TTLL10: variants seen among roughly 807,000 people sequenced by gnomAD.
TTLL10 encodes tubulin tyrosine ligase like 10, also known as inactive polyglycylase TTLL10.
In TTLL10, 61 loss-of-function variants were observed where a neutral mutation model predicts 69.0. That is an observed-to-expected ratio of 0.88 (90% CI 0.72 to 1.09). The LOEUF (loss-of-function observed/expected upper bound fraction) is 1.09. Ranked by LOEUF, TTLL10 falls within the 50% of genes least tolerant of loss-of-function variation. TTLL10 has a pLI of 0.00. For missense variants in TTLL10, 962 were observed against 945.9 expected (o/e 1.02, Z -0.22); for synonymous variants, 408 against 393.3 (o/e 1.04, Z -0.44).
chr1:1,180,562 G>A lies in TTLL10; in HGVS notation c.586G>A (p.Glu196Lys). ...RRDDYTLKWCEVKSRDSYGSF... is the reference protein window; with the variant it reads ...RRDDYTLKWCKVKSRDSYGSF... Reference sequence around the variant, plus strand: ...GGACGACTACACGCTGAAGTGGTGTGAGGTCAAGAGCCGAGACAGCTACGG... The same window carrying A: ...GGACGACTACACGCTGAAGTGGTGTAAGGTCAAGAGCCGAGACAGCTACGG... The change falls in exon 7 of 16, where the codon GAG becomes AAG. Residue 196 changes from glutamate to lysine, a missense_variant. Transcript: ENST00000379289. 6.4e-7 allele frequency: 1 copy of A among 1,552,132 alleles called. No individual in the cohort carries two copies. The highest frequency in any genetic ancestry group is 1.2e-5 in the South Asian group (1 of 84,128).
At chr1:1,182,784 C>A in intron 10 of TTLL10, 92 bp from the exon 11 acceptor site, 1 of 1,450,874 alleles carries the variant, frequency 6.9e-7, no homozygotes, top group Non-Finnish European at 9.2e-7. Flanking sequence ...GGCCGAGGGT[C>A]GCAGCCTGGA....
intron 12 of TTLL10, 81 bp downstream of exon 12, chr1:1,184,172 A>AGGGGGTGCAGC (rs1553143129): frequency 6.4e-6 from 10 of 1,570,392 alleles, no homozygotes; most frequent in Non-Finnish European, 8.7e-6. Context: ...GGGGGTGCAG[A>AGGGGGTGCAGC]GGGGGTGCAG....
intron 5 of TTLL10, 52 bp downstream of exon 5, chr1:1,179,789 C>T (rs1646987178): frequency 2.7e-6 from 4 of 1,497,584 alleles, no homozygotes; most frequent in Non-Finnish European, 3.6e-6. Flanking sequence ...AAGCTCCCCA[C>T]CCCCACCTGG....
In TTLL10 at chr1:1,185,717, G is replaced by A. The variant is rs955162140; in HGVS notation, c.1401+608G>A. ...CCCCGGCCAGGCCCCGGAAGCAGCA[G>A]CCAGGGATGGTCCTTCCTCACCCAC... On this transcript the variant is annotated intron_variant, in intron 13 of 15. Transcript: ENST00000379289. This position sits in a 1 kb window ranked among gnomAD's most constrained non-coding sequence, Gnocchi z 6.1. The A allele has an allele frequency of 1.8e-5, 18 of 985,454 alleles. No individual in the cohort carries two copies. The highest frequency in any genetic ancestry group is 3.5e-5 in the African/African-American group (2 of 57,248). 61.0% of individuals were successfully genotyped at this position (985,454 alleles called of 1,614,324 possible).
intron 11 of TTLL10, 94 bp downstream of exon 11, chr1:1,183,141 C>G (rs898941406): frequency 4.2e-6 from 6 of 1,425,712 alleles, no homozygotes; most frequent in East Asian, 2.5e-5. Context: ...AGCCCTTGGT[C>G]GTGGAAAGCA....
At position 1,180,396 on chromosome 1, in the gene TTLL10, G is replaced by A. The variant is rs553642565; in HGVS notation, c.506+56G>A. 1.3e-5 allele frequency: 20 copies of A among 1,539,468 alleles called. No homozygotes were observed. The East Asian group carries it at 1.7e-4, about 13-fold the overall frequency. On this transcript the variant is annotated intron_variant, in intron 6 of 15. Transcript: ENST00000379289. ...CACTGAATACCCACCGCCTGCTCCC[G>A]GGGCCCAGCCCGGCCTCCGCTGGCC...
rs571310333 is a variant in TTLL10, at chr1:1,174,160, C to T, written c.-130-125C>T. On this transcript the variant is annotated intron_variant, in intron 1 of 15. Coordinates refer to ENST00000379289, the MANE Select transcript of TTLL10 (RefSeq NM_001130045.2). ...CCAGGCCGGGGAACGGTGTGTGTAC[C>T]CGGTGGGGTGGGAGGGCTGGGCAGC... is the stretch of plus-strand genomic sequence containing the variant. 4.7e-5 allele frequency: 7 copies of T among 149,464 alleles called. No homozygotes were observed. In the East Asian group the frequency reaches 1.5e-3, roughly 31 times the overall value. 9.3% of individuals were successfully genotyped at this position (149,464 alleles called of 1,614,324 possible).
At chr1:1,190,651 A>G (rs936081390) in intron 13 of TTLL10, among the ~76,000 whole-genome samples, 1 of 151,620 alleles carries the variant, frequency 6.6e-6, no homozygotes, top group Non-Finnish European at 1.5e-5. Flanking sequence ...GCTGGTCTCA[A>G]ACTCTCTTTT....
At chr1:1,176,425 C>A (rs1557469826) in intron 3 of TTLL10, 1 of 454,860 alleles carries the variant, frequency 2.2e-6, no homozygotes, top group Non-Finnish European at 4.4e-6. Context: ...AGGTCAGCTG[C>A]AAGCTCACAG....
In TTLL10 at chr1:1,197,880, C is replaced by T. The variant is rs1239659873; in HGVS notation, c.*33C>T. The T allele has an allele frequency of 1.6e-5, 22 of 1,396,058 alleles. No individual in the cohort carries two copies. Among genetic ancestry groups the T allele is most frequent in the East Asian group, 3.0e-5 (1 of 33,382 alleles). 86.5% of individuals were successfully genotyped at this position (1,396,058 alleles called of 1,614,324 possible). A position where few individuals can be genotyped will look rare whatever the true frequency, so the allele number is the denominator to read the frequency against. The stretch of plus-strand genomic sequence containing the variant: ...CACCCGCGCCCAGCGCCCCGCGCCC[C>T]GCGCCCCAGCCGTGCTGCCTGCCCT... On this transcript the variant is annotated 3_prime_UTR_variant, in exon 16 of 16. Coordinates refer to ENST00000379289, the MANE Select transcript of TTLL10 (RefSeq NM_001130045.2).
chr1:1,179,974 T>C, intron 5 of TTLL10, 60 bp from the exon 6 acceptor site: 1 of 1,459,118 alleles, frequency 6.9e-7, no homozygotes. Context: ...GGCTGAGCCA[T>C]GTCCGGGCTG....
chr1:1,179,250 G>A lies in TTLL10; in HGVS notation c.35G>A (p.Arg12Gln), dbSNP rs941573468. The A allele has an allele frequency of 1.7e-5, 26 of 1,550,010 alleles. No individual in the cohort carries two copies. Among genetic ancestry groups the A allele is most frequent in the Admixed American group, 3.9e-5 (2 of 50,856 alleles). ...AGCTGCACCCGGTTCATCCACCGCC[G>A]GGGACCACCCACTCGGACCCGAGCC... is the stretch of plus-strand genomic sequence containing the variant. ...DHSCTRFIHRRGPPTRTRAGF... is the reference protein window; with the variant it reads ...DHSCTRFIHRQGPPTRTRAGF... Residue 12 changes from arginine to glutamine, a missense_variant, in exon 4 of 16, where the codon CGG becomes CAG. By Grantham distance (43) the Arg-to-Gln change is conservative (BLOSUM62 1). Transcript: ENST00000379289.
At chr1:1,179,872 G>A (rs147431801) in intron 5 of TTLL10, 135 bp downstream of exon 5, 21,099 of 1,439,092 alleles carry the variant, frequency 0.015, 184 homozygotes, top group Non-Finnish European at 0.018. Flanking sequence ...TCCCCAGGCC[G>A]CCTGGTGGGG....
intron 13 of TTLL10, among the ~76,000 whole-genome samples, chr1:1,196,065 G>A (rs531129273): frequency 6.6e-5 from 10 of 152,306 alleles, no homozygotes; most frequent in South Asian, 2.1e-4. Context: ...TGTGAGCCAC[G>A]TGCCTGGCCC....
At chr1:1,190,247 CTTTT>C (rs376649547) in intron 13 of TTLL10, among the ~76,000 whole-genome samples, 1 of 142,646 alleles carries the variant, frequency 7.0e-6, no homozygotes, top group African/African-American at 2.6e-5. Flanking sequence ...TTCTTCTCTC[CTTTT>C]TTTTTTTTTC....
At position 1,180,136 on chromosome 1, in the gene TTLL10, T is replaced by C. The variant is rs748355522; in HGVS notation, c.302T>C (p.Leu101Pro). 1 of 1,611,260 alleles carries C rather than the reference T, an allele frequency of 6.2e-7. No individual in the cohort carries two copies. Among genetic ancestry groups the C allele is most frequent in the Non-Finnish European group, 8.5e-7 (1 of 1,179,402 alleles). The change falls in exon 6 of 16, where the codon CTG becomes CCG. Residue 101 changes from leucine to proline, a missense_variant. Transcript: ENST00000379289. The stretch of plus-strand genomic sequence containing the variant: ...GCAGATGGACACTGTGGGCCGGACC[T>C]GGAGGGGGCAGAAAGAGCCTCTGCC... ...HDADGHCGPD[L>P]EGAERASATP...
At chr1:1,178,580 C>G (rs913638247) in intron 3 of TTLL10, among the ~76,000 whole-genome samples, 1 of 151,546 alleles carries the variant, frequency 6.6e-6, no homozygotes, top group African/African-American at 2.4e-5. Flanking sequence ...AAAAAAAGTT[C>G]TCACCTCCCA....
At chr1:1,197,332 CT>C (rs1179004216) in intron 15 of TTLL10, 105 bp from the exon 16 acceptor site, 106 of 1,298,568 alleles carry the variant, frequency 8.2e-5, no homozygotes, top group Non-Finnish European at 1.0e-4. Flanking sequence ...CTGCCCCAAC[CT>C]TCCCCACACC....
chr1:1,177,417 T>C (rs1393627176), intron 3 of TTLL10, among the ~76,000 whole-genome samples: 1 of 152,184 alleles, frequency 6.6e-6, no homozygotes, highest in African/African-American at 2.4e-5. Context: ...GTTCAAGCTA[T>C]TCTCCTGCCT....
Sources: gnomAD v4.1 joint callset for allele counts (sites outside exome capture counted in the v4.1 genomes callset) on GRCh38, gnomAD v4.1.1 for gene constraint, Gnocchi (gnomAD v3.1) non-coding constraint, MANE v1.5 for transcripts, NCBI Gene and HGNC (gene_info 2026-07-23, HGNC 2026-07-21) for gene names.